Variants in IL31RA observed in about 807,000 individuals in gnomAD.
IL31RA encodes interleukin-31 receptor subunit alpha.
A neutral mutation model predicts 83.7 loss-of-function variants in IL31RA; 66 were observed. That is an observed-to-expected ratio of 0.79 (90% CI 0.65 to 0.97). IL31RA has a LOEUF of 0.97. IL31RA is among the 50% of genes least tolerant of loss of function. IL31RA has a pLI of 0.00. For synonymous variants in IL31RA, 325 were observed against 329.0 expected (o/e 0.99, Z 0.13); for missense variants, 798 against 919.4 (o/e 0.87, Z 1.71).
rs161696 is a variant in IL31RA, at chr5:55,919,026, T to C, written c.*1906T>C. Among the ~76,000 whole-genome samples the C allele has an allele frequency of 0.6, 91,263 of 151,706 alleles. 27,547 individuals carry two copies. The highest frequency in any genetic ancestry group is 0.82 in the East Asian group (4,222 of 5,172). On this transcript the variant is annotated 3_prime_UTR_variant, in exon 15 of 15. Coordinates refer to ENST00000652347, the MANE Select transcript of IL31RA (RefSeq NM_139017.7). The stretch of plus-strand genomic sequence containing the variant: ...ATGTCTGCTCTCCCTGCTCTCCCTG[T>C]TCTCCACCCCTTCTATGGTGTGGGC...
At position 55,859,560 on chromosome 5, in the gene IL31RA, C is replaced by G. The variant is rs757119386; in HGVS notation, c.115C>G (p.Leu39Val). ...VNLGMMWTWA[L>V]WMLPSLCKFS... ...CCTGGGGATGATGTGGACCTGGGCA[C>G]TGTGGATGCTCCCCTCACTCTGCAA... The change falls in exon 2 of 15, where the codon CTG becomes GTG. Residue 39 changes from leucine (L) to valine (V), a missense_variant. Coordinates refer to ENST00000652347, the MANE Select transcript of IL31RA (RefSeq NM_139017.7). 5.6e-6 allele frequency: 9 copies of G among 1,612,974 alleles called. No homozygotes were observed. In the Admixed American group the frequency reaches 1.3e-4, roughly 24 times the overall value.
chr5:55,854,907 G>A (rs898867731), intron 1 of IL31RA, among the ~76,000 whole-genome samples: 4 of 152,014 alleles, frequency 2.6e-5, no homozygotes, highest in South Asian at 2.1e-4. Flanking sequence ...TTATTACTGC[G>A]ACTATTATCA....
chr5:55,898,045 C>T (rs528856269), intron 7 of IL31RA, among the ~76,000 whole-genome samples: 24 of 152,298 alleles, frequency 1.6e-4, no homozygotes, highest in Non-Finnish European at 1.6e-4. Flanking sequence ...GCGGTGCTGC[C>T]GCCGCATGGG....
upstream of IL31RA, among the ~76,000 whole-genome samples, chr5:55,849,802 T>C (rs1745011155): frequency 6.6e-6 from 1 of 152,236 alleles, no homozygotes; most frequent in African/African-American, 2.4e-5. Flanking sequence ...CTCTTCTATT[T>C]GAAATTTGCT....
rs762482447 is a variant in IL31RA at position 55,859,546 on chromosome 5, T to C, written c.101T>C (p.Met34Thr). Residue 34 changes from methionine to threonine, a missense_variant, in exon 2 of 15, where the codon ATG becomes ACG. Physicochemically the swap from Met to Thr is moderately conservative, Grantham distance 81. Transcript: ENST00000652347. ...PQPSCVNLGM[M>T]WTWALWMLPS... is the part of the protein sequence containing the mutation. Reference sequence around the variant, plus strand: ...CCTTCATGTGTTAACCTGGGGATGATGTGGACCTGGGCACTGTGGATGCTC... The same window carrying C: ...CCTTCATGTGTTAACCTGGGGATGACGTGGACCTGGGCACTGTGGATGCTC... The C allele has an allele frequency of 1.8e-5, 29 of 1,614,132 alleles. No homozygotes were observed. The South Asian group carries it at 3.2e-4, about 18-fold the overall frequency.
chr5:55,843,425 G>A, the IL31RA span, among the ~76,000 whole-genome samples: 1 of 152,186 alleles, frequency 6.6e-6, no homozygotes, highest in Non-Finnish European at 1.5e-5. Flanking sequence ...CTCTGTGGCA[G>A]ATCTTACATA....
intron 5 of IL31RA, among the ~76,000 whole-genome samples, chr5:55,887,100 T>A (rs532830346): frequency 2.8e-4 from 42 of 152,344 alleles, no homozygotes; most frequent in Admixed American, 4.6e-4. Flanking sequence ...TTCCAACATG[T>A]CCGTTTAACA....
At chr5:55,883,492 A>G (rs1747391641) in intron 5 of IL31RA, among the ~76,000 whole-genome samples, 1 of 152,186 alleles carries the variant, frequency 6.6e-6, no homozygotes, top group African/African-American at 2.4e-5. Flanking sequence ...CAGAGAGTCT[A>G]TGGTTTGGCC....
chr5:55,871,279 T>C (rs1746489002), intron 3 of IL31RA, among the ~76,000 whole-genome samples: 1 of 152,240 alleles, frequency 6.6e-6, no homozygotes, highest in South Asian at 2.1e-4. Flanking sequence ...TCAACCACTC[T>C]TGAGGTCCTT....
chr5:55,898,008 G>A (rs576245494), intron 7 of IL31RA, among the ~76,000 whole-genome samples: 2 of 152,272 alleles, frequency 1.3e-5, no homozygotes, highest in East Asian at 3.9e-4. Context: ...ACACCCGCAG[G>A]GCTATGGGAC....
At chr5:55,874,701 T>G (rs1339325911) in intron 4 of IL31RA, among the ~76,000 whole-genome samples, 2 of 152,188 alleles carry the variant, frequency 1.3e-5, no homozygotes, top group Non-Finnish European at 2.9e-5. Flanking sequence ...ATAAATACAA[T>G]TGATTTTTGT....
At chr5:55,853,608 CT>C in intron 1 of IL31RA, 1 of 1,540,680 alleles carries the variant, frequency 6.5e-7, no homozygotes, top group Non-Finnish European at 8.8e-7. Flanking sequence ...GTTTGATCAT[CT>C]TTTTCTACTT....
intron 2 of IL31RA, among the ~76,000 whole-genome samples, chr5:55,867,106 T>C (rs962511013): frequency 9.4e-5 from 12 of 128,156 alleles, no homozygotes; most frequent in Non-Finnish European, 1.2e-4. Flanking sequence ...TGTTTGTGTG[T>C]GTGTGCATGT....
At chr5:55,869,002 G>C in intron 3 of IL31RA, 94 bp downstream of exon 3, 1 of 804,870 alleles carries the variant, frequency 1.2e-6, no homozygotes, top group Non-Finnish European at 2.2e-6. Context: ...GAAGCAAAAA[G>C]TTTCCTCAAT....
intron 4 of IL31RA, among the ~76,000 whole-genome samples, chr5:55,881,939 C>G (rs577897999): frequency 6.6e-6 from 1 of 152,124 alleles, no homozygotes; most frequent in South Asian, 2.1e-4. Context: ...TCTTGAACCC[C>G]TGACCTCCTG....
At chr5:55,908,648 G>C in intron 11 of IL31RA, 2 of 1,537,244 alleles carry the variant, frequency 1.3e-6, no homozygotes, top group Non-Finnish European at 1.8e-6. Flanking sequence ...GAAATGGAAG[G>C]AGTTGTTATA....
In IL31RA at chr5:55,917,024, G is replaced by A. The variant is rs927106365; in HGVS notation, c.2199G>A (p.Glu733=). ...GQSLVPDHLC[E]EGAPNPYLKN... ...GTTTAGTACCAGATCATCTGTGTGA[G>A]GAAGGAGCCCCAAATCCATATTTGA... Residue 733 remains glutamate, a synonymous_variant, in exon 15 of 15, where the codon GAG becomes GAA. Transcript: ENST00000652347. The A allele has an allele frequency of 2.5e-6, 4 of 1,614,066 alleles. No individual in the cohort carries two copies. Among genetic ancestry groups the A allele is most frequent in the African/African-American group, 1.3e-5 (1 of 74,922 alleles).
chr5:55,902,073 A>G (rs1483365448), intron 8 of IL31RA, among the ~76,000 whole-genome samples: 1 of 152,208 alleles, frequency 6.6e-6, no homozygotes, highest in Non-Finnish European at 1.5e-5. Flanking sequence ...ATCAATTATA[A>G]GGGTCCTAGA....
intron 1 of IL31RA, among the ~76,000 whole-genome samples, chr5:55,854,202 G>A (rs1745222727): frequency 6.6e-6 from 1 of 152,166 alleles, no homozygotes; most frequent in African/African-American, 2.4e-5. Flanking sequence ...ACTACTGGCT[G>A]TCTCAGAATG....
Sources: gnomAD v4.1 joint callset for allele counts (sites outside exome capture counted in the v4.1 genomes callset) on GRCh38, gnomAD v4.1.1 for gene constraint, MANE v1.5 for transcripts, NCBI Gene and HGNC (gene_info 2026-07-23, HGNC 2026-07-21) for gene names.